Variants in DSCAM observed in about 807,000 individuals in gnomAD.
DSCAM encodes cell adhesion molecule DSCAM.
Under a neutral mutation model 217.7 loss-of-function variants are expected in DSCAM, and 47 were observed. The observed-to-expected ratio is 0.22, with a 90% CI of 0.17 to 0.28. The LOEUF is 0.28. DSCAM is among the 10% of genes least tolerant of loss of function. DSCAM has a pLI of 1.00. For synonymous variants in DSCAM, 1,056 were observed against 1,015.3 expected, an observed-to-expected ratio of 1.04 and a Z score of -0.76; for missense variants, 2,080 against 2,618.3, an observed-to-expected ratio of 0.79 and a Z score of 4.49.
At chr21:40,117,383 T>A (rs1292767751) in intron 20 of DSCAM, among the ~76,000 whole-genome samples, 1 of 152,144 alleles carries the variant, frequency 6.6e-6, no homozygotes. Context: ...AGGATGGAAC[T>A]GGGATCCCAG....
In DSCAM at chr21:40,011,427, AT is replaced by A. The variant is rs2088054632; in HGVS notation, c.*1606del. The A allele has an allele frequency of 6.6e-6, 1 of 152,212 alleles. No homozygotes were observed. Among genetic ancestry groups the A allele is most frequent in the African/African-American group, 2.4e-5 (1 of 41,452 alleles). 9.4% of individuals were successfully genotyped at this position (152,212 alleles called of 1,614,324 possible). The stretch of plus-strand genomic sequence containing the variant: ...AGATGGTAATAACTGGCACCAGTCT[AT>A]GTTGGTGGCCTTAATGGAAGCCTGT... On this transcript the variant is annotated 3_prime_UTR_variant, in exon 33 of 33. Coordinates refer to ENST00000400454, the MANE Select transcript of DSCAM (RefSeq NM_001389.5).
At chr21:40,646,821 T>C (rs2089953034) in intron 3 of DSCAM, among the ~76,000 whole-genome samples, 1 of 152,208 alleles carries the variant, frequency 6.6e-6, no homozygotes, top group Admixed American at 6.5e-5. Context: ...GGACCATCTC[T>C]TGGGTCCCAT....
intron 3 of DSCAM, among the ~76,000 whole-genome samples, chr21:40,532,323 T>C (rs903360441): frequency 3.9e-5 from 6 of 152,146 alleles, no homozygotes; most frequent in African/African-American, 1.2e-4. Flanking sequence ...AAAAGATCCA[T>C]CTTTTTCCTC....
At chr21:40,315,590 G>A (rs1413841967) in intron 8 of DSCAM, among the ~76,000 whole-genome samples, 1 of 152,072 alleles carries the variant, frequency 6.6e-6, no homozygotes, top group Non-Finnish European at 1.5e-5. Flanking sequence ...AAAACCCTGT[G>A]TTTTCTATAA....
intron 3 of DSCAM, among the ~76,000 whole-genome samples, chr21:40,530,348 A>T (rs2076433713): frequency 6.6e-6 from 1 of 152,216 alleles, no homozygotes; most frequent in South Asian, 2.1e-4. Flanking sequence ...AGGTTAAAAA[A>T]AGTTTTTAAA....
intron 20 of DSCAM, among the ~76,000 whole-genome samples, chr21:40,120,864 CA>C (rs1188223078): frequency 6.6e-6 from 1 of 151,960 alleles, no homozygotes; most frequent in African/African-American, 2.4e-5. Context: ...TGCCTATCAG[CA>C]GACATTATAT....
chr21:40,261,531 C>T (rs2073450061), intron 11 of DSCAM, among the ~76,000 whole-genome samples: 1 of 152,012 alleles, frequency 6.6e-6, no homozygotes. Flanking sequence ...CATTGGCTCT[C>T]CTTGGGTCTA....
intron 11 of DSCAM, among the ~76,000 whole-genome samples, chr21:40,262,880 G>A (rs987532937): frequency 6.6e-6 from 1 of 152,210 alleles, no homozygotes; most frequent in African/African-American, 2.4e-5. Flanking sequence ...AAAAGAATCA[G>A]GCAGCTCCTG....
intron 3 of DSCAM, among the ~76,000 whole-genome samples, chr21:40,543,600 G>T (rs1020187071): frequency 4.6e-5 from 7 of 151,970 alleles, no homozygotes; most frequent in Admixed American, 1.3e-4. Context: ...GGAAAGGAAT[G>T]GGGGGGCAGG....
rs374006640 is a variant in DSCAM, at chr21:40,114,615, C to A, written c.3696+9580G>T. Among the ~76,000 whole-genome samples, 539 of 151,688 alleles carry A rather than the reference C, an allele frequency of 3.6e-3. 2 individuals carry two copies. Among genetic ancestry groups the A allele is most frequent in the African/African-American group, 0.012 (490 of 41,260 alleles). On this transcript the variant is annotated intron_variant, in intron 20 of 32. Coordinates refer to ENST00000400454, the MANE Select transcript of DSCAM (RefSeq NM_001389.5). Reference sequence around the variant, plus strand: ...GCACAGCAAAAGAGACTACCATCAGCGTGAACAGGCAACCTACAGAATGGG... The same window carrying A: ...GCACAGCAAAAGAGACTACCATCAGAGTGAACAGGCAACCTACAGAATGGG...
intron 16 of DSCAM, among the ~76,000 whole-genome samples, chr21:40,145,173 C>T (rs2090339929): frequency 6.6e-6 from 1 of 152,214 alleles, no homozygotes; most frequent in Non-Finnish European, 1.5e-5. Flanking sequence ...CTCAGGCCTG[C>T]ACCCAGCAAG....
At chr21:40,364,448 T>C (rs989743053) in intron 4 of DSCAM, among the ~76,000 whole-genome samples, 11 of 147,748 alleles carry the variant, frequency 7.4e-5, no homozygotes, top group Admixed American at 2.1e-4. Context: ...AAACACCGCA[T>C]GTTCTCACTC....
At chr21:40,060,691 G>A (rs910128013) in intron 28 of DSCAM, among the ~76,000 whole-genome samples, 1 of 152,198 alleles carries the variant, frequency 6.6e-6, no homozygotes, top group African/African-American at 2.4e-5. Context: ...GCATTTTCAA[G>A]AGAAATCAGA....
At chr21:40,825,399 C>G (rs1201177858) in intron 1 of DSCAM, among the ~76,000 whole-genome samples, 1 of 151,980 alleles carries the variant, frequency 6.6e-6, no homozygotes, top group Non-Finnish European at 1.5e-5. Flanking sequence ...CTCACTGCAA[C>G]CTCTGCCTCC....
At chr21:40,490,268 T>A (rs59018064) in intron 3 of DSCAM, among the ~76,000 whole-genome samples, 2 of 152,076 alleles carry the variant, frequency 1.3e-5, no homozygotes, top group South Asian at 4.1e-4. Context: ...GAGATTTGGG[T>A]GGGGACAGAA....
intron 1 of DSCAM, among the ~76,000 whole-genome samples, chr21:40,784,444 T>C (rs1044747038): frequency 6.6e-6 from 1 of 152,220 alleles, no homozygotes; most frequent in Non-Finnish European, 1.5e-5. Context: ...TCTTATAAAC[T>C]ACCCAGTCTC....
intron 1 of DSCAM, among the ~76,000 whole-genome samples, chr21:40,744,593 G>A (rs1233695362): frequency 6.6e-6 from 1 of 152,164 alleles, no homozygotes; most frequent in Non-Finnish European, 1.5e-5. Flanking sequence ...GTGTTCCCTA[G>A]ACTGGGAAAC....
At chr21:40,665,883 T>C (rs1456096218) in intron 3 of DSCAM, among the ~76,000 whole-genome samples, 1 of 152,194 alleles carries the variant, frequency 6.6e-6, no homozygotes, top group Non-Finnish European at 1.5e-5. Flanking sequence ...TGCAGAACCA[T>C]GGTTAGGCAC....
chr21:40,777,555 C>T (rs562327784), intron 1 of DSCAM, among the ~76,000 whole-genome samples: 3 of 151,984 alleles, frequency 2.0e-5, no homozygotes, highest in South Asian at 2.1e-4. Context: ...CGGGAGAAAA[C>T]GAAAATAATC....
Sources: gnomAD v4.1 joint callset for allele counts (sites outside exome capture counted in the v4.1 genomes callset) on GRCh38, gnomAD v4.1.1 for gene constraint, MANE v1.5 for transcripts, NCBI Gene and HGNC (gene_info 2026-07-23, HGNC 2026-07-21) for gene names.